The following FAM83F variants were observed in gnomAD, a reference collection of about 807,000 sequenced individuals.
FAM83F encodes protein FAM83F.
A neutral mutation model predicts 42.9 loss-of-function variants in FAM83F; 45 were observed. The ratio of observed to expected loss-of-function variants is 1.05; its 90% CI spans 0.83 to 1.35. The LOEUF (loss-of-function observed/expected upper bound fraction) is 1.35, where lower values mean the gene tolerates loss of function less well. Ranked by LOEUF, FAM83F falls within the 40% of genes most tolerant of loss-of-function variation. The pLI is 0.00. For synonymous variants in FAM83F, 306 were observed against 298.3 expected (o/e 1.03, Z -0.27); for missense variants, 617 against 695.9 (o/e 0.89, Z 1.28).
chr22:40,041,876 T>G lies in FAM83F; in HGVS notation c.*12311T>G, dbSNP rs963838152. 6.6e-6 allele frequency: 1 copy of G among 152,240 alleles called. No individual in the cohort carries two copies. The highest frequency in any genetic ancestry group is 2.4e-5 in the African/African-American group (1 of 41,440). The allele number at this position is 152,240 out of a possible 1,614,324, so 9.4% of individuals were successfully genotyped here. A position where few individuals can be genotyped will look rare whatever the true frequency, so the allele number is the denominator to read the frequency against. On this transcript the variant is annotated 3_prime_UTR_variant, in exon 5 of 5. Transcript: ENST00000333407. The stretch of plus-strand genomic sequence containing the variant: ...TATATTTACTCAATGTTACTTTTTT[T>G]TTTTTTGAGACAGGGTCTTGCTCTA...
rs1370799510 is a variant in FAM83F at position 40,043,407 on chromosome 22, T to C, written c.*13842T>C. On this transcript the variant is annotated 3_prime_UTR_variant, in exon 5 of 5. Coordinates refer to ENST00000333407, the MANE Select transcript of FAM83F (RefSeq NM_138435.4). Reference sequence around the variant, plus strand: ...GGATTCACTTCGATGAATGCTGCTATAGGGAAAGAACCCAGTGGCCACCAG... The same window carrying C: ...GGATTCACTTCGATGAATGCTGCTACAGGGAAAGAACCCAGTGGCCACCAG... 1 of 152,222 alleles carries C rather than the reference T, an allele frequency of 6.6e-6. No individual in the cohort carries two copies. Among genetic ancestry groups the C allele is most frequent in the Non-Finnish European group, 1.5e-5 (1 of 68,040 alleles). The allele number at this position is 152,222 out of a possible 1,614,324, so 9.4% of individuals were successfully genotyped here.
At chr22:39,996,831 CT>C (rs1398457221) in intron 1 of FAM83F, among the ~76,000 whole-genome samples, 1 of 152,136 alleles carries the variant, frequency 6.6e-6, no homozygotes, top group Non-Finnish European at 1.5e-5. Flanking sequence ...CCCTGTCTGA[CT>C]GAGTTTTCTT....
rs2067534827 is a variant in FAM83F at position 40,023,706 on chromosome 22, C to T, written c.1453+1743C>T. ...CGCTCTCTGGTGTCTGCACATGGTG[C>T]CCAGGAGCCAGCCTTGCAGACACAG... is the stretch of plus-strand genomic sequence containing the variant. On this transcript the variant is annotated intron_variant, in intron 4 of 4. Transcript: ENST00000333407. This position sits in a 1 kb window ranked among gnomAD's most constrained non-coding sequence, Gnocchi z 4.1. 6.6e-6 allele frequency among the ~76,000 whole-genome samples: 1 copy of T among 152,202 alleles called. No individual in the cohort carries two copies. Among genetic ancestry groups the T allele is most frequent in the Non-Finnish European group, 1.5e-5 (1 of 68,026 alleles).
chr22:40,010,389 G>A (rs1030396553), intron 1 of FAM83F, among the ~76,000 whole-genome samples: 3 of 152,070 alleles, frequency 2.0e-5, no homozygotes, highest in African/African-American at 7.2e-5. Flanking sequence ...CAAAGCGGAG[G>A]GTAATTATCA....
chr22:40,012,524 C>T (rs551698705), intron 1 of FAM83F, among the ~76,000 whole-genome samples: 2 of 151,864 alleles, frequency 1.3e-5, no homozygotes, highest in Admixed American at 6.6e-5. Context: ...AATCCTAGCA[C>T]TTTGGGAGGT....
intron 4 of FAM83F, among the ~76,000 whole-genome samples, chr22:40,027,385 C>T (rs141511613): frequency 5.9e-5 from 9 of 152,260 alleles, no homozygotes; most frequent in East Asian, 1.9e-4. Context: ...CTGCAGGTCC[C>T]GAGTGCCCCA....
Position 40,029,510 on chromosome 22 carries a change from C to T in FAM83F, c.1454-6C>T. ...CCTTCCCCGCCTCTGTCCCTTGCCT[C>T]TGCAGGTAAAACAAGTCCCAGTTCT... On this transcript the variant is annotated splice_polypyrimidine_tract_variant and splice_region_variant and intron_variant, in intron 4 of 4. Transcript: ENST00000333407. 1 of 1,611,336 alleles carries T rather than the reference C, an allele frequency of 6.2e-7. No individual in the cohort carries two copies.
In FAM83F at chr22:40,036,742, C is replaced by T. The variant is rs554040813; in HGVS notation, c.*7177C>T. The T allele has an allele frequency of 2.0e-5, 3 of 152,228 alleles. No homozygotes were observed. Among genetic ancestry groups the T allele is most frequent in the Non-Finnish European group, 4.4e-5 (3 of 68,098 alleles). The allele number at this position is 152,228 out of a possible 1,614,324, so 9.4% of individuals were successfully genotyped here. A position where few individuals can be genotyped will look rare whatever the true frequency, so the allele number is the denominator to read the frequency against. On this transcript the variant is annotated 3_prime_UTR_variant, in exon 5 of 5. Transcript: ENST00000333407. ...TCTAGGGGCCACAGTCCTGGTCCTG[C>T]GCAGGTGGCCCTGGAGAGAAGCCTT...
chr22:40,019,112 A>AT (rs2067505839), intron 1 of FAM83F, 56 bp from the exon 2 acceptor site: 1 of 1,596,132 alleles, frequency 6.3e-7, no homozygotes, highest in African/African-American at 1.3e-5. Context: ...TGAGCAGGGC[A>AT]TGCCTCTGTG....
At position 40,021,969 on chromosome 22, in the gene FAM83F, C is replaced by T; in HGVS notation, c.1453+6C>T. 6.5e-7 allele frequency: 1 copy of T among 1,535,516 alleles called. No homozygotes were observed. The highest frequency in any genetic ancestry group is 8.8e-7 in the Non-Finnish European group (1 of 1,142,040). On this transcript the variant is annotated splice_donor_region_variant and intron_variant, in intron 4 of 4. Coordinates refer to ENST00000333407, the MANE Select transcript of FAM83F (RefSeq NM_138435.4). The surrounding 1 kb of genome is among the most constrained non-coding windows in gnomAD (Gnocchi z 8.7). The stretch of plus-strand genomic sequence containing the variant: ...TTCCAGTGCTGACATCTCAGGTGAG[C>T]CCTCTTCCCTCTGGCCTGGTGCCTC...
intron 1 of FAM83F, among the ~76,000 whole-genome samples, chr22:40,011,678 T>C (rs761257134): frequency 3.3e-5 from 5 of 152,244 alleles, no homozygotes; most frequent in Non-Finnish European, 7.3e-5. Flanking sequence ...TTATCCAAGT[T>C]ACGGCACATG....
chr22:39,995,947 A>G lies in FAM83F; in HGVS notation c.489+416A>G, dbSNP rs1464065033. Among the ~76,000 whole-genome samples, 5 of 152,304 alleles carry G rather than the reference A, an allele frequency of 3.3e-5. 1 individual carries two copies. The South Asian group carries it at 1.0e-3, about 32-fold the overall frequency. On this transcript the variant is annotated intron_variant, in intron 1 of 4. Transcript: ENST00000333407. The surrounding 1 kb of genome is among the most constrained non-coding windows in gnomAD (Gnocchi z 4.6). The stretch of plus-strand genomic sequence containing the variant: ...CTCATGTGATCGTCAAAACAACTTC[A>G]GGGAGTGGGTGGCGGTGACCTTCCC...
chr22:40,028,958 T>C (rs1460341756), intron 4 of FAM83F, among the ~76,000 whole-genome samples: 1 of 152,130 alleles, frequency 6.6e-6, no homozygotes, highest in Non-Finnish European at 1.5e-5. Flanking sequence ...CTGGGAGCTG[T>C]GGGCACCTCA....
At chr22:40,020,482 C>A (rs1255410802) in intron 3 of FAM83F, among the ~76,000 whole-genome samples, 1 of 151,568 alleles carries the variant, frequency 6.6e-6, no homozygotes, top group African/African-American at 2.4e-5. Flanking sequence ...CCTGCCTCAG[C>A]CTCCCTAGTA....
intron 1 of FAM83F, among the ~76,000 whole-genome samples, chr22:40,003,657 T>C (rs1037719596): frequency 1.3e-5 from 2 of 152,152 alleles, no homozygotes; most frequent in Non-Finnish European, 2.9e-5. Flanking sequence ...CAGCTGGAGC[T>C]GCTGCCCTTC....
chr22:40,036,469 T>G lies in FAM83F; in HGVS notation c.*6904T>G, dbSNP rs530249730. 1 of 152,320 alleles carries G rather than the reference T, an allele frequency of 6.6e-6. No homozygotes were observed. Among genetic ancestry groups the G allele is most frequent in the South Asian group, 2.1e-4 (1 of 4,828 alleles). 9.4% of individuals were successfully genotyped at this position (152,320 alleles called of 1,614,324 possible). On this transcript the variant is annotated 3_prime_UTR_variant, in exon 5 of 5. Coordinates refer to ENST00000333407, the MANE Select transcript of FAM83F (RefSeq NM_138435.4). ...GCGGTCTTATCTGGTTGTGCAAAAG[T>G]CCCACAACCTTTCTGGATTGATAGT...
chr22:40,032,114 G>A lies in FAM83F; in HGVS notation c.*2549G>A, dbSNP rs750900651. ...GGCTGGTTACATTGGAAGGGCTCTA[G>A]GAGGAACAGGATAAGGCAGCACTCT... On this transcript the variant is annotated 3_prime_UTR_variant, in exon 5 of 5. Coordinates refer to ENST00000333407, the MANE Select transcript of FAM83F (RefSeq NM_138435.4). 1 of 152,352 alleles carries A rather than the reference G, an allele frequency of 6.6e-6. No individual in the cohort carries two copies. Among genetic ancestry groups the A allele is most frequent in the Non-Finnish European group, 1.5e-5 (1 of 68,146 alleles). The allele number at this position is 152,352 out of a possible 1,614,324, so 9.4% of individuals were successfully genotyped here.
rs1569227872 is a variant in FAM83F at position 39,995,521 on chromosome 22, A to AG, written c.481dup (p.Ala161GlyfsTer14). ...CAGGTGGTCAGGCAGATGATCCAAC[A>AG]GGCCCAGAAGGTAGGCCCCCGCCTT... On this transcript the variant is annotated frameshift_variant, in exon 1 of 5. Transcript: ENST00000333407. LOFTEE classifies it high-confidence loss of function. This position sits in a 1 kb window ranked among gnomAD's most constrained non-coding sequence, Gnocchi z 4.6. 5 of 1,564,228 alleles carry AG rather than the reference A, an allele frequency of 3.2e-6. No individual in the cohort carries two copies. Among genetic ancestry groups the AG allele is most frequent in the Middle Eastern group, 1.7e-4 (1 of 6,006 alleles).
chr22:40,019,879 C>A lies in FAM83F; in HGVS notation c.658-8C>A. On this transcript the variant is annotated splice_polypyrimidine_tract_variant and splice_region_variant and intron_variant, in intron 2 of 4. Coordinates refer to ENST00000333407, the MANE Select transcript of FAM83F (RefSeq NM_138435.4). ...CCAGGTGACAGGGCCTTCTGCTCTT[C>A]CCAACAGAACATCCGTGTCCGCTCT... 6.2e-7 allele frequency: 1 copy of A among 1,606,818 alleles called. No individual in the cohort carries two copies. The highest frequency in any genetic ancestry group is 1.7e-5 in the Admixed American group (1 of 58,616).
Sources: gnomAD v4.1 joint callset for allele counts (sites outside exome capture counted in the v4.1 genomes callset) on GRCh38, gnomAD v4.1.1 for gene constraint, Gnocchi (gnomAD v3.1) non-coding constraint, MANE v1.5 for transcripts, NCBI Gene and HGNC (gene_info 2026-07-23, HGNC 2026-07-21) for gene names.